The following HERPUD2 variants were observed in gnomAD, a reference collection of about 807,000 sequenced individuals.
HERPUD2 encodes homocysteine-responsive endoplasmic reticulum-resident ubiquitin-like domain member 2 protein.
A neutral mutation model predicts 49.9 loss-of-function variants in HERPUD2; 13 were observed. The ratio of observed to expected loss-of-function variants is 0.26; its 90% CI spans 0.17 to 0.41. HERPUD2 has a LOEUF of 0.41. Among genes scored for constraint, HERPUD2 ranks in the 10% least tolerant of loss-of-function variants. The probability of loss-of-function intolerance (pLI) is 1.00; values close to 1 mark genes in which losing one functional copy is unlikely to be tolerated. For synonymous variants in HERPUD2, 172 were observed against 171.4 expected (o/e 1.00, Z -0.03); for missense variants, 449 against 492.2 (o/e 0.91, Z 0.83).
At chr7:35,674,482 A>G (rs953320712) in intron 2 of HERPUD2, among the ~76,000 whole-genome samples, 3 of 140,456 alleles carry the variant, frequency 2.1e-5, no homozygotes, top group Admixed American at 7.4e-5. Context: ...GTGGTATCGT[A>G]AAATGTATAA....
At chr7:35,683,053 C>A (rs1255890937) in intron 2 of HERPUD2, among the ~76,000 whole-genome samples, 1 of 152,054 alleles carries the variant, frequency 6.6e-6, no homozygotes, top group African/African-American at 2.4e-5. Context: ...TCATTCTTCA[C>A]AGATGTAGAA....
rs958913349 is a variant in HERPUD2 at position 35,694,425 on chromosome 7, A to G, written c.-95T>C. 56 of 1,281,000 alleles carry G rather than the reference A, an allele frequency of 4.4e-5. No homozygotes were observed. The Middle Eastern group carries it at 9.4e-4, about 21-fold the overall frequency. The allele number at this position is 1,281,000 out of a possible 1,614,324, so 79.4% of individuals were successfully genotyped here. On this transcript the variant is annotated 5_prime_UTR_variant, in exon 2 of 9. Coordinates refer to ENST00000311350, the MANE Select transcript of HERPUD2 (RefSeq NM_022373.5). ...CCGGCGCGACTGGGATGAGGACAGA[A>G]GTGAGTTCTTAGTATTCCGTGTCCA...
rs1786268723 is a variant in HERPUD2, at chr7:35,694,393, G to A, written c.-63C>T. The A allele has an allele frequency of 6.3e-7, 1 of 1,577,968 alleles. No homozygotes were observed. The highest frequency in any genetic ancestry group is 1.7e-5 in the Admixed American group (1 of 59,744). ...AGTTAAGCCCAAAAGAGCCGAGATG[G>A]TCACCGCCGGCGCGACTGGGATGAG... On this transcript the variant is annotated 5_prime_UTR_variant, in exon 2 of 9. Coordinates refer to ENST00000311350, the MANE Select transcript of HERPUD2 (RefSeq NM_022373.5).
intron 5 of HERPUD2, among the ~76,000 whole-genome samples, chr7:35,648,657 G>A (rs1474464525): frequency 2.6e-5 from 4 of 152,150 alleles, no homozygotes; most frequent in South Asian, 4.1e-4. Context: ...GACTTCAAAT[G>A]TGCTCAGTCA....
rs1452900854 is a variant in HERPUD2 at position 35,694,474 on chromosome 7, G to GT, written c.-145_-144insA. On this transcript the variant is annotated 5_prime_UTR_variant, in exon 2 of 9. The change creates a premature stop within an existing upstream ORF in the 5' untranslated region. Coordinates refer to ENST00000311350, the MANE Select transcript of HERPUD2 (RefSeq NM_022373.5). ...CAAGTCAGTTACAAGTGCACTGGAG[G>GT]ATACGAAGCCCATTGCCGGTACCAA... 1 of 798,334 alleles carries GT rather than the reference G, an allele frequency of 1.3e-6. No individual in the cohort carries two copies. Among genetic ancestry groups the GT allele is most frequent in the Non-Finnish European group, 2.0e-6 (1 of 498,268 alleles). 49.5% of individuals were successfully genotyped at this position (798,334 alleles called of 1,614,324 possible).
intron 2 of HERPUD2, among the ~76,000 whole-genome samples, chr7:35,685,472 T>C (rs1028555773): frequency 1.3e-5 from 2 of 151,412 alleles, no homozygotes; most frequent in African/African-American, 4.8e-5. Context: ...TACAGGCGCG[T>C]GCCACTATGC....
intron 5 of HERPUD2, among the ~76,000 whole-genome samples, chr7:35,658,968 G>C (rs1259781625): frequency 6.6e-6 from 1 of 152,206 alleles, no homozygotes; most frequent in Non-Finnish European, 1.5e-5. Flanking sequence ...CTCAAAACTA[G>C]TGATTCAAAA....
chr7:35,662,652 T>A (rs1335251152), intron 5 of HERPUD2, among the ~76,000 whole-genome samples: 1 of 152,234 alleles, frequency 6.6e-6, no homozygotes, highest in Non-Finnish European at 1.5e-5. Flanking sequence ...ATTTTCTAGT[T>A]TATTTGCGTA....
chr7:35,692,529 G>C (rs1246542291), intron 2 of HERPUD2, among the ~76,000 whole-genome samples: 4 of 152,176 alleles, frequency 2.6e-5, no homozygotes, highest in African/African-American at 9.7e-5. Context: ...GAAATCTTTT[G>C]TAATCAAGGT....
chr7:35,687,360 C>A (rs1786086048), intron 2 of HERPUD2, among the ~76,000 whole-genome samples: 1 of 152,122 alleles, frequency 6.6e-6, no homozygotes, highest in Non-Finnish European at 1.5e-5. Flanking sequence ...TGGTACTCAC[C>A]CCTACATCCA....
chr7:35,694,365 G>A lies in HERPUD2; in HGVS notation c.-35C>T, dbSNP rs746347298. 5.6e-6 allele frequency: 9 copies of A among 1,613,312 alleles called. No homozygotes were observed. Among genetic ancestry groups the A allele is most frequent in the Middle Eastern group, 3.3e-4 (2 of 6,014 alleles). On this transcript the variant is annotated 5_prime_UTR_variant, in exon 2 of 9. Coordinates refer to ENST00000311350, the MANE Select transcript of HERPUD2 (RefSeq NM_022373.5). ...AAAGTCAGACAGAGTCCAGAGGAGCGGCAGTTAAGCCCAAAAGAGCCGAGA... is the reference window on the plus strand; with the variant it reads ...AAAGTCAGACAGAGTCCAGAGGAGCAGCAGTTAAGCCCAAAAGAGCCGAGA...
At chr7:35,673,460 T>TCAGCAAATGGTA (rs1274554967) in intron 2 of HERPUD2, among the ~76,000 whole-genome samples, 182 bp from the exon 3 acceptor site, 1 of 152,148 alleles carries the variant, frequency 6.6e-6, no homozygotes, top group Non-Finnish European at 1.5e-5. Flanking sequence ...ATTTAAGAGT[T>TCAGCAAATGGTA]CAGCAAATGG....
chr7:35,639,956 G>A (rs1294319998), intron 5 of HERPUD2, among the ~76,000 whole-genome samples: 3 of 151,938 alleles, frequency 2.0e-5, no homozygotes, highest in Non-Finnish European at 4.4e-5. Flanking sequence ...CCTTCATATA[G>A]GGTCCTATAT....
chr7:35,669,456 G>T (rs927735415), intron 4 of HERPUD2, among the ~76,000 whole-genome samples: 17 of 152,252 alleles, frequency 1.1e-4, no homozygotes, highest in African/African-American at 4.1e-4. Context: ...CAGTAGAAAA[G>T]TTCCCTGACT....
intron 2 of HERPUD2, among the ~76,000 whole-genome samples, chr7:35,678,990 C>T (rs887046131): frequency 6.6e-6 from 1 of 152,180 alleles, no homozygotes; most frequent in Non-Finnish European, 1.5e-5. Flanking sequence ...AAAATGTTTA[C>T]TCCCATAATT....
chr7:35,674,742 C>T (rs901978149), intron 2 of HERPUD2, among the ~76,000 whole-genome samples: 41 of 148,878 alleles, frequency 2.8e-4, no homozygotes, highest in African/African-American at 9.1e-4. Context: ...TAATCAATCA[C>T]GCCTACCTAA....
chr7:35,658,403 A>G (rs1785329957), intron 5 of HERPUD2, among the ~76,000 whole-genome samples: 1 of 152,304 alleles, frequency 6.6e-6, no homozygotes, highest in South Asian at 2.1e-4. Context: ...ACAGCAGAGT[A>G]GGCTGACTAT....
chr7:35,670,284 A>G lies in HERPUD2; in HGVS notation c.270T>C (p.Thr90=). The G allele has an allele frequency of 6.3e-7, 1 of 1,588,120 alleles. No individual in the cohort carries two copies. Among genetic ancestry groups the G allele is most frequent in the Non-Finnish European group, 8.6e-7 (1 of 1,165,002 alleles). ...TGCTGGATTTTGGAGAACTGGGAGG[A>G]GTCCGAGAAGTACATACTAGATGAA... ...HMVHLVCTSR[T]PPSSPKSSTN... is the part of the protein sequence containing the mutation. The change falls in exon 4 of 9, where the codon ACT becomes ACC. Residue 90 remains threonine (T), a synonymous_variant. Transcript: ENST00000311350.
chr7:35,667,361 A>G, intron 5 of HERPUD2, 73 bp downstream of exon 5: 1 of 1,302,640 alleles, frequency 7.7e-7, no homozygotes, highest in Non-Finnish European at 1.1e-6. Flanking sequence ...CAAAGAGGCT[A>G]TAGTGAAACT....
Sources: allele counts gnomAD v4.1 joint callset (sites outside exome capture counted in the v4.1 genomes callset), GRCh38; gene constraint gnomAD v4.1.1; transcripts MANE v1.5; gene names NCBI Gene and HGNC (gene_info 2026-07-23, HGNC 2026-07-21).